The following SH3GL2 variants were observed in gnomAD, a reference collection of about 807,000 sequenced individuals.
The protein encoded by SH3GL2 is SH3 domain containing GRB2 like 2, endophilin A1.
SH3GL2 carries 24 observed loss-of-function variants against 46.0 expected under a neutral mutation model. The observed-to-expected ratio is 0.52, with a 90% CI of 0.38 to 0.73. SH3GL2 has a LOEUF of 0.73. SH3GL2 is among the 30% of genes least tolerant of loss of function. The pLI, the probability that SH3GL2 is intolerant of heterozygous loss-of-function variation, is 0.00. For synonymous variants in SH3GL2, 196 were observed against 147.1 expected (o/e 1.33, Z -2.40); for missense variants, 413 against 424.2 (o/e 0.97, Z 0.23).
At chr9:17,661,510 T>G (rs1820213904) in intron 1 of SH3GL2, among the ~76,000 whole-genome samples, 1 of 152,204 alleles carries the variant, frequency 6.6e-6, no homozygotes, top group African/African-American at 2.4e-5. Context: ...AGATGAAATG[T>G]TCAATCTCAA....
chr9:17,603,040 T>TGC (rs1352457294), intron 1 of SH3GL2, among the ~76,000 whole-genome samples: 1 of 152,234 alleles, frequency 6.6e-6, no homozygotes, highest in Non-Finnish European at 1.5e-5. Flanking sequence ...GTGCTGTGTG[T>TGC]GCACATTCTG....
intron 1 of SH3GL2, among the ~76,000 whole-genome samples, chr9:17,672,918 T>A (rs1171219249): frequency 2.6e-5 from 4 of 152,278 alleles, no homozygotes; most frequent in African/African-American, 7.2e-5. Flanking sequence ...ACTCAAAATG[T>A]CTAAAGTGAA....
chr9:17,721,967 G>A (rs909852073), intron 1 of SH3GL2, among the ~76,000 whole-genome samples: 1 of 152,106 alleles, frequency 6.6e-6, no homozygotes, highest in Non-Finnish European at 1.5e-5. Context: ...GTGAGGTGAG[G>A]TGAGGTTGAT....
intron 1 of SH3GL2, among the ~76,000 whole-genome samples, chr9:17,637,631 A>C (rs964540525): frequency 6.6e-6 from 1 of 152,216 alleles, no homozygotes; most frequent in Non-Finnish European, 1.5e-5. Context: ...TCTTTTGTTT[A>C]CTAGCCATGT....
At chr9:17,647,863 T>C (rs546614966) in intron 1 of SH3GL2, among the ~76,000 whole-genome samples, 8 of 152,278 alleles carry the variant, frequency 5.3e-5, no homozygotes, top group Non-Finnish European at 7.4e-5. Flanking sequence ...GGTCCACTTA[T>C]ATGCAGATTT....
At chr9:17,780,299 T>A (rs1286647248) in intron 3 of SH3GL2, among the ~76,000 whole-genome samples, 1 of 152,086 alleles carries the variant, frequency 6.6e-6, no homozygotes, top group African/African-American at 2.4e-5. Flanking sequence ...TCATAGAACA[T>A]GTATTCTTTT....
intron 1 of SH3GL2, among the ~76,000 whole-genome samples, chr9:17,658,928 C>A (rs1292986894): frequency 6.6e-6 from 1 of 152,144 alleles, no homozygotes; most frequent in Non-Finnish European, 1.5e-5. Flanking sequence ...GTGCAGGTGT[C>A]CCTGGAGAGG....
intron 1 of SH3GL2, among the ~76,000 whole-genome samples, chr9:17,696,524 T>G (rs1821204874): frequency 6.6e-6 from 1 of 152,076 alleles, no homozygotes; most frequent in African/African-American, 2.4e-5. Flanking sequence ...CTCAGGAAAC[T>G]TACAGGCCTG....
intron 1 of SH3GL2, among the ~76,000 whole-genome samples, chr9:17,700,488 C>T (rs1411527811): frequency 6.6e-6 from 1 of 152,212 alleles, no homozygotes; most frequent in Non-Finnish European, 1.5e-5. Context: ...TCTTGGTTCC[C>T]TGGATTCCTG....
intron 1 of SH3GL2, among the ~76,000 whole-genome samples, chr9:17,736,447 T>C (rs1822337441): frequency 6.6e-6 from 1 of 152,132 alleles, no homozygotes; most frequent in Admixed American, 6.6e-5. Flanking sequence ...TGGTTGTCCA[T>C]CCACTTTCAT....
intron 5 of SH3GL2, 136 bp from the exon 6 acceptor site, chr9:17,789,256 A>G: frequency 1.5e-6 from 1 of 650,592 alleles, no homozygotes; most frequent in Non-Finnish European, 2.7e-6. Flanking sequence ...ATGTTTCTTT[A>G]TTTCTCTGGT....
chr9:17,688,583 G>T (rs1307804713), intron 1 of SH3GL2, among the ~76,000 whole-genome samples: 1 of 151,976 alleles, frequency 6.6e-6, no homozygotes, highest in Non-Finnish European at 1.5e-5. Context: ...GCTGATTCTA[G>T]TATGGGGGCA....
intron 1 of SH3GL2, among the ~76,000 whole-genome samples, chr9:17,632,998 G>T (rs1292815345): frequency 1.3e-5 from 2 of 152,222 alleles, no homozygotes; most frequent in Non-Finnish European, 2.9e-5. Flanking sequence ...TAGAGGAGCT[G>T]CCAGTATTAA....
chr9:17,771,531 C>T (rs1293170570), intron 3 of SH3GL2, among the ~76,000 whole-genome samples: 1 of 152,178 alleles, frequency 6.6e-6, no homozygotes, highest in African/African-American at 2.4e-5. Context: ...TCTATTTGCT[C>T]TGAAAACCTG....
intron 1 of SH3GL2, among the ~76,000 whole-genome samples, chr9:17,746,646 A>C: frequency 6.6e-6 from 1 of 152,320 alleles, no homozygotes; most frequent in East Asian, 1.9e-4. Flanking sequence ...TTATCTGTTC[A>C]ATAGCCCATT....
At chr9:17,624,159 A>T (rs10963165) in intron 1 of SH3GL2, among the ~76,000 whole-genome samples, 2 of 152,140 alleles carry the variant, frequency 1.3e-5, no homozygotes, top group East Asian at 1.9e-4. Flanking sequence ...GGGTGATGCA[A>T]TCTCAGTTGG....
intron 1 of SH3GL2, 38 bp from the exon 2 acceptor site, chr9:17,747,028 T>C: frequency 7.3e-7 from 1 of 1,362,050 alleles, no homozygotes; most frequent in East Asian, 2.3e-5. Flanking sequence ...TTAAAGAAAC[T>C]GTTTATAATA....
At chr9:17,768,047 A>G (rs1563846285) in intron 3 of SH3GL2, among the ~76,000 whole-genome samples, 1 of 152,174 alleles carries the variant, frequency 6.6e-6, no homozygotes, top group Non-Finnish European at 1.5e-5. Flanking sequence ...TGTCTAAACA[A>G]TGAATGCTAA....
chr9:17,748,922 G>C (rs1369178883), intron 2 of SH3GL2, among the ~76,000 whole-genome samples: 2 of 152,108 alleles, frequency 1.3e-5, no homozygotes, highest in Non-Finnish European at 2.9e-5. Context: ...GAACGGTTGA[G>C]TTCCTGAAAA....
Sources: gnomAD v4.1 joint callset for allele counts (sites outside exome capture counted in the v4.1 genomes callset) on GRCh38, gnomAD v4.1.1 for gene constraint, MANE v1.5 for transcripts, NCBI Gene and HGNC (gene_info 2026-07-23, HGNC 2026-07-21) for gene names.